CHL1: variants seen among roughly 807,000 people sequenced by gnomAD.
CHL1 encodes the protein cell adhesion molecule L1 like.
A neutral mutation model predicts 141.9 loss-of-function variants in CHL1; 96 were observed. The observed-to-expected ratio is 0.68, with a 90% CI of 0.57 to 0.80. The LOEUF (loss-of-function observed/expected upper bound fraction) is 0.80, where lower values mean the gene tolerates loss of function less well. Ranked by LOEUF, CHL1 falls within the 30% of genes least tolerant of loss-of-function variation. CHL1 has a pLI of 0.00. For missense variants in CHL1, 1,820 were observed against 1,457.2 expected (o/e 1.25, Z -4.05); for synonymous variants, 613 against 502.2 (o/e 1.22, Z -2.95).
In CHL1 at chr3:237,072, G is replaced by A. The variant is rs115480918; in HGVS notation, c.-174-7541G>A. ...TTCTTTGCTGATATCTCTCTATTAC[G>A]CTGTTGGCTTCTAATATGGTTTGGC... On this transcript the variant is annotated intron_variant, in intron 1 of 27. Coordinates refer to ENST00000256509, the MANE Select transcript of CHL1 (RefSeq NM_006614.4). 5.6e-3 allele frequency among the ~76,000 whole-genome samples: 851 copies of A among 152,196 alleles called. 5 individuals carry two copies. The highest frequency in any genetic ancestry group is 7.8e-3 in the Non-Finnish European group (533 of 68,010).
At chr3:260,282 A>G (rs1694588537) in intron 2 of CHL1, among the ~76,000 whole-genome samples, 1 of 152,124 alleles carries the variant, frequency 6.6e-6, no homozygotes, top group Non-Finnish European at 1.5e-5. Context: ...AAATAAATAA[A>G]TGTTTGAAAA....
chr3:267,445 T>C (rs903534016), intron 2 of CHL1, among the ~76,000 whole-genome samples: 3 of 152,238 alleles, frequency 2.0e-5, no homozygotes, highest in Non-Finnish European at 4.4e-5. Context: ...TTTTACTTCA[T>C]AATACTGCAT....
intron 1 of CHL1, among the ~76,000 whole-genome samples, chr3:198,776 T>G (rs1698647973): frequency 6.6e-5 from 10 of 152,212 alleles, no homozygotes; most frequent in Admixed American, 6.5e-4. Flanking sequence ...GAAGTAAAAA[T>G]TCTGCGTTTT....
At chr3:353,076 G>A (rs1296184565) in intron 10 of CHL1, among the ~76,000 whole-genome samples, 1 of 152,176 alleles carries the variant, frequency 6.6e-6, no homozygotes, top group South Asian at 2.1e-4. Context: ...CTGTCTGTAA[G>A]ATGAAAGGAT....
At chr3:399,445 T>C (rs535971270) in intron 26 of CHL1, among the ~76,000 whole-genome samples, 1 of 151,950 alleles carries the variant, frequency 6.6e-6, no homozygotes, top group East Asian at 1.9e-4. Flanking sequence ...ATCGAGACCA[T>C]CCTGGCCAAC....
At chr3:331,175 A>G (rs558625564) in intron 5 of CHL1, among the ~76,000 whole-genome samples, 1 of 151,160 alleles carries the variant, frequency 6.6e-6, no homozygotes, top group African/African-American at 2.4e-5. Context: ...ACAGAGAAAG[A>G]TTTCTTTTCC....
At chr3:295,417 T>C (rs1423428832) in intron 2 of CHL1, among the ~76,000 whole-genome samples, 1 of 152,092 alleles carries the variant, frequency 6.6e-6, no homozygotes, top group African/African-American at 2.4e-5. Context: ...GGAGAAGGAT[T>C]AACATGGATA....
chr3:201,207 C>G (rs1698902503), intron 1 of CHL1, among the ~76,000 whole-genome samples: 1 of 152,144 alleles, frequency 6.6e-6, no homozygotes, highest in African/African-American at 2.4e-5. Context: ...CATTATTCTG[C>G]CATTTCTGGT....
At chr3:370,685 T>G (rs901966806) in intron 15 of CHL1, among the ~76,000 whole-genome samples, 20 of 152,186 alleles carry the variant, frequency 1.3e-4, no homozygotes, top group African/African-American at 4.6e-4. Flanking sequence ...CTGGTTCTTT[T>G]AATTGTGATG....
Position 256,310 on chromosome 3 carries a change from T to C in CHL1, c.-95+11618T>C, listed in dbSNP as rs554471271. Among the ~76,000 whole-genome samples the C allele has an allele frequency of 4.7e-4, 71 of 152,344 alleles. 1 individual carries two copies. In the South Asian group the frequency reaches 0.014, roughly 31 times the overall value. ...TACCATAGCATGCAATTTTTACTTA[T>C]AGCATGGTAAAGCAGAGCTCCTCCT... On this transcript the variant is annotated intron_variant, in intron 2 of 27. Coordinates refer to ENST00000256509, the MANE Select transcript of CHL1 (RefSeq NM_006614.4).
intron 1 of CHL1, among the ~76,000 whole-genome samples, chr3:215,182 T>A (rs1700214637): frequency 6.6e-6 from 1 of 152,094 alleles, no homozygotes; most frequent in Admixed American, 6.6e-5. Flanking sequence ...CATCAACAGA[T>A]GAATAAAGAA....
chr3:323,492 T>G (rs536145207), intron 3 of CHL1, among the ~76,000 whole-genome samples: 1 of 152,180 alleles, frequency 6.6e-6, no homozygotes, highest in Non-Finnish European at 1.5e-5. Flanking sequence ...AATGGTTTAA[T>G]GGTACACAGT....
chr3:401,234 T>G (rs1415258088), intron 26 of CHL1, among the ~76,000 whole-genome samples: 1 of 152,216 alleles, frequency 6.6e-6, no homozygotes, highest in Non-Finnish European at 1.5e-5. Flanking sequence ...TTTAGTTTAA[T>G]GACACAGATC....
chr3:228,364 T>C (rs902006945), intron 1 of CHL1, among the ~76,000 whole-genome samples: 1 of 152,146 alleles, frequency 6.6e-6, no homozygotes, highest in Non-Finnish European at 1.5e-5. Flanking sequence ...AGAAAAATAT[T>C]TGTACTATTT....
At chr3:323,632 G>A (rs1036025753) in intron 3 of CHL1, among the ~76,000 whole-genome samples, 9 of 152,124 alleles carry the variant, frequency 5.9e-5, no homozygotes, top group Admixed American at 2.0e-4. Flanking sequence ...ATCTGTGTAC[G>A]GCTGGATTTT....
chr3:259,304 TTG>T (rs150435694), intron 2 of CHL1, among the ~76,000 whole-genome samples: 11 of 149,916 alleles, frequency 7.3e-5, no homozygotes, highest in South Asian at 6.3e-4. Context: ...GTGTGCGTGC[TTG>T]TGTGTGTGTG....
intron 1 of CHL1, among the ~76,000 whole-genome samples, chr3:207,023 G>C (rs899284889): frequency 5.3e-5 from 8 of 152,104 alleles, no homozygotes; most frequent in African/African-American, 1.9e-4. Context: ...AAATGACACC[G>C]ATCATAATGA....
At chr3:262,758 T>A (rs1035565451) in intron 2 of CHL1, among the ~76,000 whole-genome samples, 3 of 152,322 alleles carry the variant, frequency 2.0e-5, no homozygotes, top group South Asian at 2.1e-4. Context: ...TCAGACTTTC[T>A]AAGTTTTGGA....
intron 2 of CHL1, among the ~76,000 whole-genome samples, chr3:294,771 G>C (rs17021268): frequency 0.054 from 8,260 of 152,172 alleles, 333 homozygotes; most frequent in East Asian, 0.18. Context: ...AATACCTCTT[G>C]ACCTTCAAAA....
Sources: allele counts gnomAD v4.1 joint callset (sites outside exome capture counted in the v4.1 genomes callset), GRCh38; gene constraint gnomAD v4.1.1; transcripts MANE v1.5; gene names NCBI Gene and HGNC (gene_info 2026-07-23, HGNC 2026-07-21).